NEK11: variants seen among roughly 807,000 people sequenced by gnomAD.
NEK11 encodes serine/threonine-protein kinase Nek11.
A neutral mutation model predicts 80.7 loss-of-function variants in NEK11; 72 were observed. The ratio of observed to expected loss-of-function variants is 0.89; its 90% CI spans 0.74 to 1.08. The LOEUF (loss-of-function observed/expected upper bound fraction) is 1.08. Ranked by LOEUF, NEK11 falls within the 50% of genes least tolerant of loss-of-function variation. The pLI, the probability that NEK11 is intolerant of heterozygous loss-of-function variation, is 0.00. For missense variants in NEK11, 764 were observed against 763.6 expected (o/e 1.00, Z -0.01); for synonymous variants, 251 against 260.7 (o/e 0.96, Z 0.36).
intron 17 of NEK11, among the ~76,000 whole-genome samples, chr3:131,347,470 G>A (rs1245478375): frequency 2.0e-5 from 3 of 151,966 alleles, no homozygotes; most frequent in Admixed American, 6.6e-5. Context: ...TCTCTTTATC[G>A]GCCACAATAC....
At chr3:131,147,087 TAAG>T (rs1267470828) in intron 7 of NEK11, among the ~76,000 whole-genome samples, 1 of 152,106 alleles carries the variant, frequency 6.6e-6, no homozygotes, top group Non-Finnish European at 1.5e-5. Flanking sequence ...TTTTATGTCT[TAAG>T]AAATCTTTGC....
chr3:131,288,557 A>G (rs768696314), intron 17 of NEK11, among the ~76,000 whole-genome samples: 3 of 148,344 alleles, frequency 2.0e-5, no homozygotes, highest in Non-Finnish European at 3.0e-5. Context: ...GGTTCAAGCG[A>G]TTCTCCTGCC....
chr3:131,105,522 A>T (rs185534619), intron 4 of NEK11, among the ~76,000 whole-genome samples: 1 of 152,374 alleles, frequency 6.6e-6, no homozygotes, highest in East Asian at 1.9e-4. Context: ...ATTGACTCAC[A>T]GTTCCACATG....
chr3:131,054,744 G>C (rs1386457882), intron 3 of NEK11, among the ~76,000 whole-genome samples: 1 of 139,282 alleles, frequency 7.2e-6, no homozygotes, highest in African/African-American at 2.6e-5. Flanking sequence ...GTGACAGCCT[G>C]CCTCTAAATA....
At chr3:131,203,759 GTGTGTGTGTATATATA>G (rs2094339149) in intron 14 of NEK11, among the ~76,000 whole-genome samples, 3 of 35,994 alleles carry the variant, frequency 8.3e-5, no homozygotes, top group African/African-American at 3.1e-4. Context: ...GTGTGTGTGT[GTGTGTGTGTATATATA>G]TATATATATA....
intron 15 of NEK11, among the ~76,000 whole-genome samples, chr3:131,236,877 G>T (rs958465488): frequency 1.3e-5 from 2 of 152,198 alleles, no homozygotes; most frequent in African/African-American, 4.8e-5. Context: ...GCAAGGGCTT[G>T]GCTTCTAATG....
At position 131,210,455 on chromosome 3, in the gene NEK11, T is replaced by A. The variant is rs371020391; in HGVS notation, c.1400-18073T>A. 1.6e-4 allele frequency among the ~76,000 whole-genome samples: 24 copies of A among 152,298 alleles called. No individual in the cohort carries two copies. The South Asian group carries it at 4.6e-3, about 29-fold the overall frequency. On this transcript the variant is annotated intron_variant, in intron 14 of 17. Coordinates refer to ENST00000383366, the MANE Select transcript of NEK11 (RefSeq NM_024800.5). ...TGAGAAGAATGTATATTCTGTTGATTTGGGGTGGAGAGTTCTGTAGATGTC... is the reference window on the plus strand; with the variant it reads ...TGAGAAGAATGTATATTCTGTTGATATGGGGTGGAGAGTTCTGTAGATGTC...
At chr3:131,238,236 C>T (rs557636300) in intron 15 of NEK11, among the ~76,000 whole-genome samples, 1 of 152,278 alleles carries the variant, frequency 6.6e-6, no homozygotes, top group Non-Finnish European at 1.5e-5. Flanking sequence ...CCCCTCTTTC[C>T]TCTCCTACTT....
intron 14 of NEK11, among the ~76,000 whole-genome samples, chr3:131,208,027 T>C (rs1261450750): frequency 2.0e-5 from 3 of 152,202 alleles, no homozygotes; most frequent in Non-Finnish European, 4.4e-5. Context: ...GTTTTAGTTA[T>C]GAAGTCCTTG....
At chr3:131,168,367 T>A (rs55959969) in intron 12 of NEK11, among the ~76,000 whole-genome samples, 32,116 of 149,926 alleles carry the variant, frequency 0.21, 3,833 homozygotes, top group African/African-American at 0.32. Flanking sequence ...ATTTATTTAT[T>A]TTTTTTTGAG....
At chr3:131,099,497 T>C (rs1204349746) in intron 4 of NEK11, among the ~76,000 whole-genome samples, 2 of 152,238 alleles carry the variant, frequency 1.3e-5, no homozygotes, top group Non-Finnish European at 2.9e-5. Flanking sequence ...TTTCTAATTC[T>C]GTGAAGAATG....
rs1448097686 is a variant in NEK11, at chr3:131,059,359, AG to A, written c.171-21062del. ...ATATCTCAATAAAGTTGTTATAAAG[AG>A]GAGAAATATGTACATTAATTTTTGT... On this transcript the variant is annotated intron_variant, in intron 3 of 17. Coordinates refer to ENST00000383366, the MANE Select transcript of NEK11 (RefSeq NM_024800.5). 5.3e-5 allele frequency among the ~76,000 whole-genome samples: 8 copies of A among 152,202 alleles called. No homozygotes were observed. The East Asian group carries it at 1.5e-3, about 29-fold the overall frequency.
At chr3:131,219,384 G>A (rs1376143205) in intron 14 of NEK11, among the ~76,000 whole-genome samples, 3 of 151,918 alleles carry the variant, frequency 2.0e-5, no homozygotes, top group Non-Finnish European at 4.4e-5. Context: ...CACACACTGG[G>A]GTCTGTCAGG....
intron 17 of NEK11, among the ~76,000 whole-genome samples, chr3:131,337,359 G>T (rs149646535): frequency 6.6e-6 from 1 of 151,500 alleles, no homozygotes; most frequent in African/African-American, 2.4e-5. Flanking sequence ...GTAAACTATC[G>T]CAACGACAAA....
At chr3:131,209,113 G>A (rs1210925661) in intron 14 of NEK11, among the ~76,000 whole-genome samples, 2 of 152,060 alleles carry the variant, frequency 1.3e-5, no homozygotes, top group African/African-American at 4.8e-5. Flanking sequence ...GTCATAAATA[G>A]CTCTTATTAT....
chr3:131,116,375 C>T (rs559408968), intron 5 of NEK11, among the ~76,000 whole-genome samples: 1 of 152,200 alleles, frequency 6.6e-6, no homozygotes, highest in South Asian at 2.1e-4. Context: ...CAGTCTATCA[C>T]TGATGGAAAT....
At chr3:131,250,919 T>G (rs2095688562) in intron 16 of NEK11, among the ~76,000 whole-genome samples, 1 of 152,044 alleles carries the variant, frequency 6.6e-6, no homozygotes, top group Non-Finnish European at 1.5e-5. Flanking sequence ...AAAAAGAAAA[T>G]GTAATCTGCA....
intron 7 of NEK11, among the ~76,000 whole-genome samples, chr3:131,143,778 A>G (rs550406725): frequency 1.3e-5 from 2 of 152,098 alleles, no homozygotes; most frequent in Non-Finnish European, 2.9e-5. Context: ...ATTTATTTTC[A>G]TTTCATTATA....
At chr3:131,083,363 G>T (rs2075555645) in intron 4 of NEK11, among the ~76,000 whole-genome samples, 1 of 152,224 alleles carries the variant, frequency 6.6e-6, no homozygotes, top group African/African-American at 2.4e-5. Context: ...CATGGTGATG[G>T]CTGCTGGCAG....
Sources: gnomAD v4.1 joint callset for allele counts (sites outside exome capture counted in the v4.1 genomes callset) on GRCh38, gnomAD v4.1.1 for gene constraint, MANE v1.5 for transcripts, NCBI Gene and HGNC (gene_info 2026-07-23, HGNC 2026-07-21) for gene names.